Variants in CTCF observed in about 807,000 individuals in gnomAD.
CTCF encodes transcriptional repressor CTCF.
Under a neutral mutation model 72.3 loss-of-function variants are expected in CTCF, and 7 were observed. The ratio of observed to expected loss-of-function variants is 0.10; its 90% confidence interval spans 0.06 to 0.18. CTCF has a LOEUF of 0.18. Ranked by LOEUF, CTCF falls within the 10% of genes least tolerant of loss-of-function variation. CTCF has a pLI of 1.00. For missense variants in CTCF, 516 were observed against 949.1 expected (o/e 0.54, Z 6.00); for synonymous variants, 374 against 315.8 (o/e 1.18, Z -1.95).
Position 67,620,675 on chromosome 16 carries a change from TTCG to T in CTCF, c.1087-21_1087-19del, listed in dbSNP as rs2052189005. ...CAGTCTGTGTTAACAGAAGTTAAAG[TTCG>T]GTTGTTTTCGTATTTCAGGTCAGCA... On this transcript the variant is annotated intron_variant, in intron 5 of 11. Transcript: ENST00000264010. 3 of 1,536,414 alleles carry T rather than the reference TTCG, an allele frequency of 2.0e-6. No homozygotes were observed. The highest frequency in any genetic ancestry group is 2.7e-6 in the Non-Finnish European group (3 of 1,125,022).
chr16:67,624,678 G>A (rs1421751830), intron 7 of CTCF, among the ~76,000 whole-genome samples: 1 of 150,356 alleles, frequency 6.7e-6, no homozygotes, highest in Admixed American at 6.6e-5. Flanking sequence ...CTGCAGCATC[G>A]ACCAGGCTCA....
At chr16:67,613,136 A>G (rs141441210) in intron 4 of CTCF, among the ~76,000 whole-genome samples, 141 of 152,340 alleles carry the variant, frequency 9.3e-4, no homozygotes, top group African/African-American at 3.2e-3. Flanking sequence ...TCTAAAGTAG[A>G]GGGACTCTGT....
intron 2 of CTCF, among the ~76,000 whole-genome samples, chr16:67,583,442 C>CT (rs1425447684): frequency 6.6e-6 from 1 of 151,704 alleles, no homozygotes; most frequent in African/African-American, 2.4e-5. Flanking sequence ...ATCCCAGCAC[C>CT]TTGGGAGGCT....
intron 3 of CTCF, 96 bp downstream of exon 3, chr16:67,611,709 G>A: frequency 8.2e-7 from 1 of 1,226,426 alleles, no homozygotes; most frequent in South Asian, 1.5e-5. Context: ...AACCGTATTT[G>A]TAAAAGGTCG....
In CTCF at chr16:67,611,373, G is replaced by A; in HGVS notation, c.541G>A (p.Gly181Arg). Reference protein sequence around the residue: ...ANGEVETLEQGELPPQEDPSW... With the variant: ...ANGEVETLEQRELPPQEDPSW... ...TGGAGAGGTGGAGACACTAGAACAAGGGGAACTTCCACCCCAGGAAGATCC... is the reference window on the plus strand; with the variant it reads ...TGGAGAGGTGGAGACACTAGAACAAAGGGAACTTCCACCCCAGGAAGATCC... The change falls in exon 3 of 12, where the codon GGG becomes AGG. Residue 181 changes from glycine to arginine, a missense_variant. By Grantham distance (125) the Gly-to-Arg change is moderately radical. This residue lies in a region of CTCF where 53 missense variants were observed against 63.6 expected (regional missense o/e 0.83). Transcript: ENST00000264010. 6.2e-7 allele frequency: 1 copy of A among 1,614,090 alleles called. No individual in the cohort carries two copies. Among genetic ancestry groups the A allele is most frequent in the Non-Finnish European group, 8.5e-7 (1 of 1,180,018 alleles).
intron 2 of CTCF, among the ~76,000 whole-genome samples, chr16:67,581,328 C>CT (rs35180089): frequency 0.018 from 2,523 of 139,886 alleles, 72 homozygotes; most frequent in African/African-American, 0.053. Context: ...TGATCTTTTT[C>CT]TTTTTTTTTT....
chr16:67,626,863 C>T, intron 8 of CTCF, 148 bp downstream of exon 8: 1 of 489,668 alleles, frequency 2.0e-6, no homozygotes. Context: ...AAAGGTCATG[C>T]TCCTTGTCAA....
chr16:67,565,016 T>C (rs553926957), intron 1 of CTCF, among the ~76,000 whole-genome samples: 3 of 152,300 alleles, frequency 2.0e-5, no homozygotes, highest in South Asian at 4.1e-4. Flanking sequence ...TTTTTTTTTT[T>C]TTGAGACGGA....
chr16:67,608,735 G>GTT (rs112295395), intron 2 of CTCF, among the ~76,000 whole-genome samples: 110 of 146,900 alleles, frequency 7.5e-4, no homozygotes, highest in African/African-American at 2.3e-3. Flanking sequence ...TGTATTTAGT[G>GTT]TTTTTTTTTT....
intron 2 of CTCF, among the ~76,000 whole-genome samples, chr16:67,573,248 A>G (rs1013171352): frequency 2.0e-5 from 3 of 151,276 alleles, no homozygotes; most frequent in African/African-American, 7.3e-5. Flanking sequence ...CTCTGTCTCA[A>G]AAAAACAACA....
Position 67,638,302 on chromosome 16 carries a change from G to T in CTCF, c.*430G>T, listed in dbSNP as rs1063258. ...GAGTTTTAAACTGTTTTTTGCTTTTGCTTTTCCCTGACTCCCTTTGCTTGG... is the reference window on the plus strand; with the variant it reads ...GAGTTTTAAACTGTTTTTTGCTTTTTCTTTTCCCTGACTCCCTTTGCTTGG... On this transcript the variant is annotated 3_prime_UTR_variant, in exon 12 of 12. Coordinates refer to ENST00000264010, the MANE Select transcript of CTCF (RefSeq NM_006565.4). 2 of 231,310 alleles carry T rather than the reference G, an allele frequency of 8.6e-6. No homozygotes were observed. The highest frequency in any genetic ancestry group is 1.7e-5 in the Non-Finnish European group (2 of 117,578). The allele number at this position is 231,310 out of a possible 1,614,324, so 14.3% of individuals were successfully genotyped here.
chr16:67,574,209 C>T (rs1434983600), intron 2 of CTCF, among the ~76,000 whole-genome samples: 5 of 152,182 alleles, frequency 3.3e-5, no homozygotes, highest in Admixed American at 6.5e-5. Flanking sequence ...AAGCCCATTC[C>T]TTCAGAGCTT....
At position 67,571,280 on chromosome 16, in the gene CTCF, A is replaced by AT. The variant is rs572860237; in HGVS notation, c.-10+22dup. On this transcript the variant is annotated intron_variant, in intron 2 of 11. Coordinates refer to ENST00000264010, the MANE Select transcript of CTCF (RefSeq NM_006565.4). Reference sequence around the variant, plus strand: ...CCACGGAGAGGTAAGTGCTATTTCCATTTTTTCTATCTTAAAAATGGTAGT... The same window carrying AT: ...CCACGGAGAGGTAAGTGCTATTTCCATTTTTTTCTATCTTAAAAATGGTAGT... 39 of 152,470 alleles carry AT rather than the reference A, an allele frequency of 2.6e-4. 1 individual carries two copies. The East Asian group carries it at 7.2e-3, about 28-fold the overall frequency. The allele number at this position is 152,470 out of a possible 1,614,324, so 9.4% of individuals were successfully genotyped here.
chr16:67,564,044 G>A (rs1272491332), intron 1 of CTCF: 1 of 152,210 alleles, frequency 6.6e-6, no homozygotes, highest in Non-Finnish European at 1.5e-5. Flanking sequence ...CTGTAGCCCC[G>A]AGTTCAGCGT....
Position 67,637,690 on chromosome 16 carries a change from A to G in CTCF, c.2002A>G (p.Thr668Ala). Residue 668 changes from threonine (T) to alanine (A), a missense_variant and splice_region_variant, in exon 12 of 12, where the codon ACA (threonine) becomes GCA (alanine). By Grantham distance (58) the Thr-to-Ala change is moderately conservative. Transcript: ENST00000264010. ...RTNQPKQNQP[T>A]AIIQVEDQNT... Reference sequence around the variant, plus strand: ...CTGTCTGTGCTCTTCTTTGCCAGCAACAGCTATCATTCAGGTTGAAGACCA... The same window carrying G: ...CTGTCTGTGCTCTTCTTTGCCAGCAGCAGCTATCATTCAGGTTGAAGACCA... The G allele has an allele frequency of 6.2e-7, 1 of 1,611,070 alleles. No individual in the cohort carries two copies. The highest frequency in any genetic ancestry group is 1.7e-4 in the Middle Eastern group (1 of 5,990).
At chr16:67,589,402 A>G (rs1202048295) in intron 2 of CTCF, among the ~76,000 whole-genome samples, 2 of 152,312 alleles carry the variant, frequency 1.3e-5, no homozygotes, top group Non-Finnish European at 2.9e-5. Context: ...GTCTAATTCC[A>G]TACATATTTT....
chr16:67,599,825 C>T (rs1353503368), intron 2 of CTCF, among the ~76,000 whole-genome samples: 1 of 152,132 alleles, frequency 6.6e-6, no homozygotes, highest in Non-Finnish European at 1.5e-5. Context: ...TCTGTTTATT[C>T]CCTGTCCAGT....
At chr16:67,610,505 A>G (rs2052047480) in intron 2 of CTCF, 1 of 154,416 alleles carries the variant, frequency 6.5e-6, no homozygotes. Flanking sequence ...GGCGCCCGCC[A>G]CCATGCCTGG....
intron 10 of CTCF, among the ~76,000 whole-genome samples, 195 bp downstream of exon 10, chr16:67,629,728 A>G (rs2052337294): frequency 1.3e-5 from 1 of 77,984 alleles, no homozygotes; most frequent in South Asian, 4.4e-4. Flanking sequence ...TCTTCGTGGC[A>G]TTCCGCTCAT....
Sources: allele counts gnomAD v4.1 joint callset (sites outside exome capture counted in the v4.1 genomes callset), GRCh38; gene constraint gnomAD v4.1.1; regional missense constraint gnomAD v4.1.1; transcripts MANE v1.5; gene names NCBI Gene and HGNC (gene_info 2026-07-23, HGNC 2026-07-21).